LANCL1: variants seen among roughly 807,000 people sequenced by gnomAD.
LANCL1 encodes glutathione S-transferase LANCL1.
In LANCL1, 50 loss-of-function variants were observed where a neutral mutation model predicts 50.6. The ratio of observed to expected loss-of-function variants is 0.99; its 90% CI spans 0.79 to 1.25. The LOEUF is 1.25. Among genes scored for constraint, LANCL1 ranks in the 50% most tolerant of loss-of-function variants. The probability of loss-of-function intolerance (pLI) is 0.00; values close to 1 mark genes in which losing one functional copy is unlikely to be tolerated. For synonymous variants in LANCL1, 188 were observed against 178.6 expected (o/e 1.05, Z -0.42); for missense variants, 532 against 480.7 (o/e 1.11, Z -1.00).
intron 3 of LANCL1, among the ~76,000 whole-genome samples, chr2:210,458,832 T>G (rs1196466800): frequency 6.6e-6 from 1 of 152,194 alleles, no homozygotes; most frequent in African/African-American, 2.4e-5. Context: ...AAAAAACATT[T>G]CTACTGACTT....
At position 210,476,355 on chromosome 2, in the gene LANCL1, G is replaced by A. The variant is rs1014572309; in HGVS notation, c.42C>T (p.Asn14=). The change falls in exon 2 of 10, where the codon AAC becomes AAT. Residue 14 remains asparagine, a synonymous_variant. Coordinates refer to ENST00000450366, the MANE Select transcript of LANCL1 (RefSeq NM_006055.3). The stretch of plus-strand genomic sequence containing the variant: ...CAAAGTAGCCTTCGGCCAGGGATTT[G>A]TTATAATCAGCATAAGGATTCGGGA... ...RAFPNPYADY[N]KSLAEGYFDA... 6.2e-7 allele frequency: 1 copy of A among 1,613,950 alleles called. No individual in the cohort carries two copies. The highest frequency in any genetic ancestry group is 8.5e-7 in the Non-Finnish European group (1 of 1,179,988).
intron 8 of LANCL1, 35 bp downstream of exon 8, chr2:210,436,181 C>A (rs531226419): frequency 6.3e-7 from 1 of 1,594,434 alleles, no homozygotes. Flanking sequence ...TGTGAGCCAC[C>A]GAGCTGCTTT....
chr2:210,451,837 A>G (rs868385884), intron 4 of LANCL1, among the ~76,000 whole-genome samples: 3 of 152,356 alleles, frequency 2.0e-5, no homozygotes, highest in South Asian at 2.1e-4. Flanking sequence ...ATATAATGGA[A>G]TATTATTCAG....
At chr2:210,440,438 A>G (rs571320771) in intron 6 of LANCL1, among the ~76,000 whole-genome samples, 160 bp downstream of exon 6, 1 of 152,342 alleles carries the variant, frequency 6.6e-6, no homozygotes, top group Admixed American at 6.5e-5. Flanking sequence ...ACCTTCGTAA[A>G]CATTACTTTT....
chr2:210,466,566 C>G (rs1199357465), intron 3 of LANCL1, among the ~76,000 whole-genome samples: 2 of 152,156 alleles, frequency 1.3e-5, no homozygotes, highest in Non-Finnish European at 2.9e-5. Flanking sequence ...TATGTAAGCC[C>G]TGGGTCTCTG....
chr2:210,443,423 A>C (rs964928192), intron 4 of LANCL1, among the ~76,000 whole-genome samples: 1 of 152,252 alleles, frequency 6.6e-6, no homozygotes, highest in African/African-American at 2.4e-5. Context: ...AAACTTAACA[A>C]AATGATATTA....
In LANCL1 at chr2:210,433,210, A is replaced by G. The variant is rs1242964808; in HGVS notation, c.*1277T>C. 6.6e-6 allele frequency: 1 copy of G among 152,614 alleles called. No individual in the cohort carries two copies. Among genetic ancestry groups the G allele is most frequent in the African/African-American group, 2.4e-5 (1 of 41,460 alleles). The allele number at this position is 152,614 out of a possible 1,614,324, so 9.5% of individuals were successfully genotyped here. A position where few individuals can be genotyped will look rare whatever the true frequency, so the allele number is the denominator to read the frequency against. The stretch of plus-strand genomic sequence containing the variant: ...GCAAAGGCAGTAATAGAAAGAGTAG[A>G]AGCTGATGAGTCAAAACACTTGAAC... On this transcript the variant is annotated 3_prime_UTR_variant, in exon 10 of 10. Transcript: ENST00000450366.
At chr2:210,452,290 A>T (rs1416052893) in intron 4 of LANCL1, among the ~76,000 whole-genome samples, 1 of 152,082 alleles carries the variant, frequency 6.6e-6, no homozygotes, top group East Asian at 1.9e-4. Context: ...GGGAGGTTAT[A>T]TATTTCTGGA....
Position 210,476,687 on chromosome 2 carries a change from G to C in LANCL1, c.-84C>G, listed in dbSNP as rs907616166. The stretch of plus-strand genomic sequence containing the variant: ...GCGACTTGAAGCAAGTGCGCCTCCC[G>C]CGTCCTGAAGCCCTTCTCGGCCCTG... On this transcript the variant is annotated 5_prime_UTR_variant, in exon 1 of 10. Transcript: ENST00000450366. 1.7e-6 allele frequency: 2 copies of C among 1,200,378 alleles called. No homozygotes were observed. The highest frequency in any genetic ancestry group is 2.1e-6 in the Non-Finnish European group (2 of 962,992). 74.4% of individuals were successfully genotyped at this position (1,200,378 alleles called of 1,614,324 possible).
intron 2 of LANCL1, 37 bp downstream of exon 2, chr2:210,476,279 A>G (rs771242078): frequency 8.6e-5 from 128 of 1,485,854 alleles, no homozygotes; most frequent in Non-Finnish European, 1.2e-4. Flanking sequence ...CACCGTGGGG[A>G]GAGGCAGGGA....
intron 4 of LANCL1, among the ~76,000 whole-genome samples, chr2:210,444,371 G>T (rs1182551165): frequency 6.6e-6 from 1 of 151,604 alleles, no homozygotes; most frequent in African/African-American, 2.4e-5. Flanking sequence ...TTGTGGTGAG[G>T]GGGGAGAAAA....
At chr2:210,464,732 T>C (rs12477237) in intron 3 of LANCL1, among the ~76,000 whole-genome samples, 94,248 of 149,222 alleles carry the variant, frequency 0.63, 30,778 homozygotes, top group East Asian at 0.82. Flanking sequence ...TTTGGGAGGC[T>C]GAGGCGGGTG....
At chr2:210,469,659 T>C (rs1248466649) in intron 3 of LANCL1, among the ~76,000 whole-genome samples, 1 of 152,166 alleles carries the variant, frequency 6.6e-6, no homozygotes, top group East Asian at 1.9e-4. Flanking sequence ...GGTTGAAGGA[T>C]ATTGGCATTC....
chr2:210,475,366 T>C, intron 2 of LANCL1, among the ~76,000 whole-genome samples: 1 of 152,218 alleles, frequency 6.6e-6, no homozygotes, highest in Non-Finnish European at 1.5e-5. Context: ...ACAGGGTCTC[T>C]GTCACCCAGG....
chr2:210,461,547 T>C (rs1399877534), intron 3 of LANCL1, among the ~76,000 whole-genome samples: 1 of 152,188 alleles, frequency 6.6e-6, no homozygotes, highest in Non-Finnish European at 1.5e-5. Context: ...GAACAGCATC[T>C]TGAAACACTA....
At chr2:210,469,794 A>G (rs1694171109) in intron 3 of LANCL1, among the ~76,000 whole-genome samples, 1 of 152,204 alleles carries the variant, frequency 6.6e-6, no homozygotes, top group Non-Finnish European at 1.5e-5. Flanking sequence ...TAGCAATATA[A>G]GGGCCTGACT....
intron 2 of LANCL1, 139 bp from the exon 3 acceptor site, chr2:210,472,215 C>G (rs767883623): frequency 1.0e-4 from 60 of 591,852 alleles, no homozygotes; most frequent in Non-Finnish European, 1.7e-4. Flanking sequence ...AATTTATTTT[C>G]TATTCTTAAA....
Position 210,433,120 on chromosome 2 carries a change from C to T in LANCL1, c.*1367G>A, listed in dbSNP as rs889681464. On this transcript the variant is annotated 3_prime_UTR_variant, in exon 10 of 10. Transcript: ENST00000450366. Reference sequence around the variant, plus strand: ...AATAGGCACATTTAAAATACTTAGACCCTGTTATTTTAAAGCTACAATTTT... The same window carrying T: ...AATAGGCACATTTAAAATACTTAGATCCTGTTATTTTAAAGCTACAATTTT... 1 of 152,456 alleles carries T rather than the reference C, an allele frequency of 6.6e-6. No individual in the cohort carries two copies. The highest frequency in any genetic ancestry group is 6.6e-5 in the Admixed American group (1 of 15,266). The allele number at this position is 152,456 out of a possible 1,614,324, so 9.4% of individuals were successfully genotyped here.
At chr2:210,466,525 G>A (rs545299180) in intron 3 of LANCL1, among the ~76,000 whole-genome samples, 32 of 152,280 alleles carry the variant, frequency 2.1e-4, no homozygotes, top group Admixed American at 7.2e-4. Flanking sequence ...TAGCCGTCTT[G>A]CCTGTTTTTG....
Sources: allele counts gnomAD v4.1 joint callset (sites outside exome capture counted in the v4.1 genomes callset), GRCh38; gene constraint gnomAD v4.1.1; transcripts MANE v1.5; gene names NCBI Gene and HGNC (gene_info 2026-07-23, HGNC 2026-07-21).